The following MYO1H variants were observed in gnomAD, a reference collection of about 807,000 sequenced individuals.
MYO1H encodes the protein myosin IH.
In MYO1H, 118 loss-of-function variants were observed where a neutral mutation model predicts 149.3. The observed-to-expected ratio is 0.79, with a 90% CI of 0.68 to 0.92. MYO1H has a LOEUF of 0.92. Ranked by LOEUF, MYO1H falls within the 40% of genes least tolerant of loss-of-function variation. The pLI is 0.00. For missense variants in MYO1H, 1,212 were observed against 1,280.7 expected, an observed-to-expected ratio of 0.95 and a Z score of 0.82; for synonymous variants, 447 against 465.2, an observed-to-expected ratio of 0.96 and a Z score of 0.50.
At chr12:109,359,564 T>G (rs1868694256) in intron 1 of MYO1H, 1 of 152,164 alleles carries the variant, frequency 6.6e-6, no homozygotes, top group Admixed American at 6.5e-5. Context: ...CAGCCCCTTA[T>G]AAATGGGCCA....
intron 1 of MYO1H, among the ~76,000 whole-genome samples, chr12:109,384,777 C>A (rs1869269186): frequency 6.6e-6 from 1 of 152,016 alleles, no homozygotes; most frequent in Non-Finnish European, 1.5e-5. Context: ...GCAGGAGTAC[C>A]CCACCCTCCC....
chr12:109,436,510 C>A lies in MYO1H; in HGVS notation c.2163C>A (p.Tyr721Ter). 6.2e-7 allele frequency: 1 copy of A among 1,611,298 alleles called. No individual in the cohort carries two copies. Among genetic ancestry groups the A allele is most frequent in the Non-Finnish European group, 8.5e-7 (1 of 1,178,678 alleles). ...AAGTTGCAAGAATCCAAGCCACTTA[C>A]AAACGCTGCCTAGGAAGGAGAGAAT... The change falls in exon 22 of 32, where the codon TAC (tyrosine) becomes TAA (stop). Residue 721 changes from tyrosine to a stop codon, truncating the protein, a stop_gained. Transcript: ENST00000310903. LOFTEE classifies it high-confidence loss of function.
intron 10 of MYO1H, among the ~76,000 whole-genome samples, chr12:109,408,779 A>G (rs12582083): frequency 0.25 from 37,322 of 151,940 alleles, 5,531 homozygotes; most frequent in East Asian, 0.39. Context: ...AAACTAAATA[A>G]ATACATTATC....
At chr12:109,427,346 T>A (rs879115314) in intron 18 of MYO1H, 123 bp from the exon 19 acceptor site, 21 of 486,048 alleles carry the variant, frequency 4.3e-5, no homozygotes, top group East Asian at 7.1e-5. Flanking sequence ...AATTAAGACC[T>A]CACGAAATGA....
chr12:109,444,283 G>A, exon 29 of MYO1H: 1 of 1,613,366 alleles, frequency 6.2e-7, no homozygotes, highest in African/African-American at 1.3e-5. Context: ...GCAAGCAAAA[G>A]GTAATTGACA....
intron 1 of MYO1H, among the ~76,000 whole-genome samples, chr12:109,356,444 T>G (rs1868605634): frequency 6.6e-6 from 1 of 152,142 alleles, no homozygotes; most frequent in Non-Finnish European, 1.5e-5. Flanking sequence ...GTAAACAACT[T>G]CAAAGAACCT....
intron 31 of MYO1H, 139 bp from the exon 32 acceptor site, chr12:109,447,020 G>A (rs1872511831): frequency 1.2e-6 from 1 of 815,666 alleles, no homozygotes; most frequent in South Asian, 1.5e-5. Context: ...AGTCTGGCTT[G>A]TCTCATGGGA....
chr12:109,446,695 C>T (rs185394846), intron 31 of MYO1H, among the ~76,000 whole-genome samples: 130 of 152,212 alleles, frequency 8.5e-4, no homozygotes, highest in African/African-American at 1.2e-3. Context: ...ACACAGGAGG[C>T]GGAGGTTGCA....
At chr12:109,407,040 C>T (rs1317925419) in intron 9 of MYO1H, among the ~76,000 whole-genome samples, 180 bp downstream of exon 9, 1 of 152,164 alleles carries the variant, frequency 6.6e-6, no homozygotes, top group Non-Finnish European at 1.5e-5. Context: ...TCACCACCAC[C>T]ACACCAATGC....
At chr12:109,410,881 C>A in intron 13 of MYO1H, 113 bp downstream of exon 13, 1 of 701,100 alleles carries the variant, frequency 1.4e-6, no homozygotes. Context: ...GTGGCTCACG[C>A]CTGTAATTCC....
chr12:109,419,993 G>A (rs1450633363), intron 15 of MYO1H, among the ~76,000 whole-genome samples: 1 of 152,148 alleles, frequency 6.6e-6, no homozygotes, highest in Non-Finnish European at 1.5e-5. Context: ...GAAATGACAT[G>A]TCTGTCTTTG....
chr12:109,347,758 G>A (rs560961325), upstream of MYO1H: 16 of 390,190 alleles, frequency 4.1e-5, no homozygotes, highest in East Asian at 4.0e-4. Flanking sequence ...GGAGCAGCCC[G>A]GTGTGCCTAC....
chr12:109,443,191 C>CGTATGTGT (rs2135608512), intron 27 of MYO1H, among the ~76,000 whole-genome samples: 1 of 21,612 alleles, frequency 4.6e-5, no homozygotes, highest in East Asian at 1.2e-3. Flanking sequence ...TATATGTGTA[C>CGTATGTGT]GTATATGTGT....
At chr12:109,441,561 A>G (rs1872129529) in intron 25 of MYO1H, 54 bp from the exon 26 acceptor site, 2 of 1,264,740 alleles carry the variant, frequency 1.6e-6, no homozygotes, top group Non-Finnish European at 2.2e-6. Flanking sequence ...GAGCTCTTCT[A>G]TCCCAAAGAA....
At chr12:109,421,368 T>C in intron 16 of MYO1H, among the ~76,000 whole-genome samples, 1 of 152,142 alleles carries the variant, frequency 6.6e-6, no homozygotes, top group East Asian at 1.9e-4. Context: ...TATCCATTAG[T>C]GAGAAGTGCT....
At chr12:109,356,528 AT>A (rs998002265) in intron 1 of MYO1H, among the ~76,000 whole-genome samples, 104 of 151,706 alleles carry the variant, frequency 6.9e-4, no homozygotes, top group African/African-American at 1.7e-3. Flanking sequence ...ACTTCCAACA[AT>A]TTTTTTTTCT....
intron 24 of MYO1H, among the ~76,000 whole-genome samples, 165 bp downstream of exon 24, chr12:109,439,955 CG>C (rs1872043814): frequency 6.6e-6 from 1 of 152,118 alleles, no homozygotes; most frequent in South Asian, 2.1e-4. Context: ...TCAGAATTTG[CG>C]ATGTCCTTAG....
the MYO1H span, among the ~76,000 whole-genome samples, chr12:109,324,873 T>C: frequency 2.0e-5 from 3 of 152,114 alleles, no homozygotes. Flanking sequence ...CCTGTCCTTT[T>C]CCCCTACCCT....
At chr12:109,337,908 G>A in the MYO1H span, among the ~76,000 whole-genome samples, 1 of 152,100 alleles carries the variant, frequency 6.6e-6, no homozygotes, top group Non-Finnish European at 1.5e-5. Context: ...GTTTGGCAAC[G>A]ATTTTCTGAG....
Sources: gnomAD v4.1 joint callset for allele counts (sites outside exome capture counted in the v4.1 genomes callset) on GRCh38, gnomAD v4.1.1 for gene constraint, MANE v1.5 for transcripts, NCBI Gene and HGNC (gene_info 2026-07-23, HGNC 2026-07-21) for gene names.